FHIT: variants seen among roughly 807,000 people sequenced by gnomAD.
FHIT encodes the protein bis(5'-adenosyl)-triphosphatase.
In FHIT, 19 loss-of-function variants were observed where a neutral mutation model predicts 17.9. The observed-to-expected ratio is 1.06, with a 90% confidence interval of 0.74 to 1.56. The LOEUF (loss-of-function observed/expected upper bound fraction) is 1.56, where lower values mean the gene tolerates loss of function less well. Ranked by LOEUF, FHIT falls within the 40% of genes most tolerant of loss-of-function variation. The pLI is 0.00. For synonymous variants in FHIT, 81 were observed against 69.7 expected, an observed-to-expected ratio of 1.16 and a Z score of -0.81; for missense variants, 248 against 189.2, an observed-to-expected ratio of 1.31 and a Z score of -1.82.
chr3:60,613,221 C>T (rs1023702784), intron 4 of FHIT, among the ~76,000 whole-genome samples: 2 of 152,028 alleles, frequency 1.3e-5, no homozygotes, highest in Admixed American at 1.3e-4. Context: ...GAGTTCTGGC[C>T]AAAATTTGTG....
intron 3 of FHIT, among the ~76,000 whole-genome samples, chr3:60,874,083 A>G (rs954933818): frequency 2.6e-5 from 4 of 152,326 alleles, no homozygotes; most frequent in Non-Finnish European, 4.4e-5. Context: ...GCACACCCCT[A>G]CTTATGAGTT....
intron 3 of FHIT, among the ~76,000 whole-genome samples, chr3:60,855,818 C>T (rs1703357769): frequency 6.6e-6 from 1 of 152,060 alleles, no homozygotes; most frequent in African/African-American, 2.4e-5. Context: ...TCCCTCTCTC[C>T]AGCCCTAAGG....
intron 8 of FHIT, among the ~76,000 whole-genome samples, chr3:59,902,823 G>A (rs1481798312): frequency 6.6e-6 from 1 of 152,124 alleles, no homozygotes; most frequent in African/African-American, 2.4e-5. Flanking sequence ...CTGGTCAAGG[G>A]TACAAACTTT....
intron 4 of FHIT, among the ~76,000 whole-genome samples, chr3:60,649,675 C>T (rs1264954175): frequency 6.6e-6 from 1 of 151,964 alleles, no homozygotes; most frequent in Non-Finnish European, 1.5e-5. Flanking sequence ...GGGAGAAAAT[C>T]CTGCATATTA....
At chr3:60,449,463 G>T (rs927430371) in intron 5 of FHIT, among the ~76,000 whole-genome samples, 1 of 151,522 alleles carries the variant, frequency 6.6e-6, no homozygotes, top group Non-Finnish European at 1.5e-5. Context: ...CAGTAATGTG[G>T]CACTTAATAA....
chr3:60,574,709 A>G (rs1226063783), intron 4 of FHIT, among the ~76,000 whole-genome samples: 1 of 152,032 alleles, frequency 6.6e-6, no homozygotes, highest in Non-Finnish European at 1.5e-5. Context: ...GTACCCCTTC[A>G]TTCCTGAGTT....
chr3:61,082,911 T>G (rs1247670311), intron 2 of FHIT, among the ~76,000 whole-genome samples: 1 of 152,184 alleles, frequency 6.6e-6, no homozygotes, highest in African/African-American at 2.4e-5. Context: ...CATCCCTACT[T>G]AGCTCCCAAG....
intron 5 of FHIT, among the ~76,000 whole-genome samples, chr3:60,323,330 G>A (rs1207620536): frequency 6.6e-6 from 1 of 152,000 alleles, no homozygotes; most frequent in Non-Finnish European, 1.5e-5. Flanking sequence ...CAACTACATG[G>A]ATAATAAAGA....
At chr3:60,249,767 T>C (rs868585354) in intron 5 of FHIT, among the ~76,000 whole-genome samples, 42 of 149,986 alleles carry the variant, frequency 2.8e-4, no homozygotes, top group Admixed American at 4.0e-4. Flanking sequence ...TAATCTGTTC[T>C]CACACTGCTA....
intron 8 of FHIT, among the ~76,000 whole-genome samples, chr3:59,890,105 T>C (rs1703791735): frequency 6.6e-6 from 1 of 152,230 alleles, no homozygotes; most frequent in Non-Finnish European, 1.5e-5. Context: ...AGAGATGGGA[T>C]GATATTAACT....
At chr3:60,964,800 G>A (rs1232235997) in intron 3 of FHIT, among the ~76,000 whole-genome samples, 1 of 152,222 alleles carries the variant, frequency 6.6e-6, no homozygotes, top group African/African-American at 2.4e-5. Context: ...CAAGAGATCT[G>A]TTGTTAGTCT....
intron 4 of FHIT, among the ~76,000 whole-genome samples, chr3:60,595,205 C>G (rs2038224084): frequency 6.6e-6 from 1 of 151,874 alleles, no homozygotes; most frequent in African/African-American, 2.4e-5. Flanking sequence ...GCAAAGAGAA[C>G]AGAGAAAAAA....
intron 5 of FHIT, among the ~76,000 whole-genome samples, chr3:60,467,731 C>A (rs889045721): frequency 1.3e-4 from 20 of 151,816 alleles, no homozygotes; most frequent in African/African-American, 4.8e-4. Flanking sequence ...GTTTTGTGGC[C>A]TGAAATATGG....
chr3:60,927,825 G>C (rs1707728682), intron 3 of FHIT, among the ~76,000 whole-genome samples: 1 of 152,250 alleles, frequency 6.6e-6, no homozygotes, highest in South Asian at 2.1e-4. Flanking sequence ...CCAGCTCATT[G>C]AGAACAGGCC....
intron 2 of FHIT, among the ~76,000 whole-genome samples, chr3:61,097,065 T>G (rs1576006058): frequency 5.3e-5 from 6 of 114,216 alleles, no homozygotes; most frequent in Non-Finnish European, 8.4e-5. Context: ...GGCAACAGAG[T>G]GAGACTCAAT....
At chr3:60,538,535 A>G (rs1432516632) in intron 4 of FHIT, among the ~76,000 whole-genome samples, 5 of 152,186 alleles carry the variant, frequency 3.3e-5, no homozygotes, top group Admixed American at 1.3e-4. Context: ...ACCTGACTTC[A>G]AACTATACTA....
At chr3:60,779,570 T>C (rs561644672) in intron 4 of FHIT, among the ~76,000 whole-genome samples, 6 of 152,288 alleles carry the variant, frequency 3.9e-5, no homozygotes, top group African/African-American at 1.4e-4. Context: ...CTACCAGTTA[T>C]CTGGGTGTGT....
At chr3:61,199,398 T>C (rs1270981110) in intron 2 of FHIT, among the ~76,000 whole-genome samples, 2 of 152,204 alleles carry the variant, frequency 1.3e-5, no homozygotes, top group African/African-American at 4.8e-5. Flanking sequence ...AGACATGTAG[T>C]TGTATGGCCA....
intron 7 of FHIT, among the ~76,000 whole-genome samples, chr3:60,004,859 T>C (rs1208487242): frequency 1.3e-5 from 2 of 152,196 alleles, no homozygotes; most frequent in Admixed American, 6.5e-5. Context: ...ATGGTGAACA[T>C]GTATTGAGAC....
Sources: allele counts gnomAD v4.1 joint callset (sites outside exome capture counted in the v4.1 genomes callset), GRCh38; gene constraint gnomAD v4.1.1; transcripts MANE v1.5; gene names NCBI Gene and HGNC (gene_info 2026-07-23, HGNC 2026-07-21).